The following TERB1 variants were observed in gnomAD, a reference collection of about 807,000 sequenced individuals.
TERB1 encodes the protein telomere repeats-binding bouquet formation protein 1.
In TERB1, 63 loss-of-function variants were observed where a neutral mutation model predicts 92.3. That is an observed-to-expected ratio of 0.68 (90% confidence interval 0.56 to 0.84). The LOEUF (loss-of-function observed/expected upper bound fraction) is 0.84. Among genes scored for constraint, TERB1 ranks in the 40% least tolerant of loss-of-function variants. The pLI is 0.00. For missense variants in TERB1, 709 were observed against 843.7 expected (o/e 0.84, Z 1.98); for synonymous variants, 252 against 283.9 (o/e 0.89, Z 1.13).
chr16:66,769,805 C>T, intron 14 of TERB1, 158 bp downstream of exon 14: 1 of 639,966 alleles, frequency 1.6e-6, no homozygotes, highest in Admixed American at 3.0e-5. Context: ...CCTCCCTGTC[C>T]AAACTCCTTT....
In TERB1 at chr16:66,754,677, C is replaced by A; in HGVS notation, c.*299G>T. 1 of 306,498 alleles carries A rather than the reference C, an allele frequency of 3.3e-6. No individual in the cohort carries two copies. The highest frequency in any genetic ancestry group is 6.0e-6 in the Non-Finnish European group (1 of 167,896). 19.0% of individuals were successfully genotyped at this position (306,498 alleles called of 1,614,324 possible). A position where few individuals can be genotyped will look rare whatever the true frequency, so the allele number is the denominator to read the frequency against. On this transcript the variant is annotated 3_prime_UTR_variant, in exon 19 of 19. Transcript: ENST00000433154. ...TTTATTGCAATATAATGTCAAATAA[C>A]ATTTAAAGGCTAATTCTTTTCTCTG...
In TERB1 at chr16:66,762,294, C is replaced by T. The variant is rs947026132; in HGVS notation, c.1781-3004G>A. ...ACTCAGCTCTGTCCCCACGTATGCA[C>T]TGGATTATGACACCTGGAATTTACA... On this transcript the variant is annotated intron_variant, in intron 16 of 18. Transcript: ENST00000433154. Among the ~76,000 whole-genome samples, 8 of 152,194 alleles carry T rather than the reference C, an allele frequency of 5.3e-5. No individual in the cohort carries two copies. In the East Asian group the frequency reaches 1.5e-3, roughly 29 times the overall value.
intron 16 of TERB1, among the ~76,000 whole-genome samples, chr16:66,764,038 G>A (rs534755714): frequency 6.6e-6 from 1 of 152,146 alleles, no homozygotes; most frequent in Admixed American, 6.6e-5. Flanking sequence ...GGGTTGCAGG[G>A]AACGAGACCA....
chr16:66,798,049 T>C (rs1959207765), intron 2 of TERB1, among the ~76,000 whole-genome samples: 2 of 148,356 alleles, frequency 1.3e-5, no homozygotes, highest in South Asian at 2.1e-4. Flanking sequence ...TATCCATTTA[T>C]AGAGCAAGGC....
rs529185469 is a variant in TERB1 at position 66,795,791 on chromosome 16, G to A, written c.31+977C>T. 2.8e-4 allele frequency among the ~76,000 whole-genome samples: 43 copies of A among 152,230 alleles called. No individual in the cohort carries two copies. The East Asian group carries it at 6.4e-3, about 23-fold the overall frequency. ...ATTTATGAATGAATGACAGGGTCTC[G>A]CTCTGTCATCAACGCTTAAGTGCAG... On this transcript the variant is annotated intron_variant, in intron 3 of 18. Transcript: ENST00000433154.
intron 11 of TERB1, 21 bp downstream of exon 11, chr16:66,777,182 C>A: frequency 6.6e-7 from 1 of 1,506,298 alleles, no homozygotes. Flanking sequence ...AATAACCACA[C>A]TCAATAAATC....
chr16:66,775,153 G>A lies in TERB1; in HGVS notation c.1076C>T (p.Ala359Val). Residue 359 changes from alanine (A) to valine (V), a missense_variant, in exon 12 of 19, where the codon GCT becomes GTT. Coordinates refer to ENST00000433154, the MANE Select transcript of TERB1 (RefSeq NM_001136505.2). ...GCAGTTGTGAAGCACAAATGTGGCA[G>A]CTTTGTTCAGTTCCTCATTCTGCGA... ...TESQNEELNK[A>V]ATFVLHNCKK... is the part of the protein sequence containing the mutation. 1.9e-6 allele frequency: 3 copies of A among 1,551,632 alleles called. No homozygotes were observed. Among genetic ancestry groups the A allele is most frequent in the Non-Finnish European group, 2.6e-6 (3 of 1,146,954 alleles).
intron 18 of TERB1, among the ~76,000 whole-genome samples, chr16:66,757,090 T>C (rs1401412321): frequency 1.3e-5 from 2 of 152,082 alleles, no homozygotes; most frequent in African/African-American, 4.8e-5. Flanking sequence ...GTTAAGTTTA[T>C]CAAGGGGGAA....
At chr16:66,761,491 G>C (rs1480726930) in intron 16 of TERB1, among the ~76,000 whole-genome samples, 1 of 143,564 alleles carries the variant, frequency 7.0e-6, no homozygotes, top group Admixed American at 7.0e-5. Context: ...GAAAAGAAAA[G>C]AGCATCTAGG....
chr16:66,768,251 A>G, intron 14 of TERB1, 83 bp from the exon 15 acceptor site: 2 of 1,167,506 alleles, frequency 1.7e-6, no homozygotes. Context: ...CAGTGTTGTG[A>G]TTTTCGGTGT....
chr16:66,793,109 T>C (rs1312046492), intron 3 of TERB1, among the ~76,000 whole-genome samples: 3 of 150,678 alleles, frequency 2.0e-5, no homozygotes, highest in African/African-American at 2.4e-5. Context: ...CTGAAAGATA[T>C]AGGATGAAGG....
chr16:66,784,236 G>A (rs1174162835), intron 9 of TERB1, among the ~76,000 whole-genome samples: 5 of 111,992 alleles, frequency 4.5e-5, no homozygotes, highest in African/African-American at 2.0e-4. Flanking sequence ...TCTATTTCAC[G>A]ATTTCTAATC....
chr16:66,787,185 A>G (rs993168207), intron 6 of TERB1, among the ~76,000 whole-genome samples: 1 of 151,770 alleles, frequency 6.6e-6, no homozygotes, highest in African/African-American at 2.4e-5. Flanking sequence ...TGCAGCCTCA[A>G]CCTCCAGAGC....
chr16:66,789,753 C>G (rs56350441), intron 5 of TERB1, among the ~76,000 whole-genome samples: 1 of 147,964 alleles, frequency 6.8e-6, no homozygotes, highest in South Asian at 2.1e-4. Flanking sequence ...GTCTGTCACC[C>G]AGGTTAGAGT....
intron 16 of TERB1, among the ~76,000 whole-genome samples, chr16:66,764,831 G>T (rs1004550997): frequency 2.6e-5 from 4 of 152,164 alleles, no homozygotes; most frequent in African/African-American, 9.7e-5. Flanking sequence ...AGATGCTGTG[G>T]ATGTTGTGTT....
intron 13 of TERB1, among the ~76,000 whole-genome samples, chr16:66,771,673 ACACACACG>A (rs935969226): frequency 1.5e-5 from 2 of 132,562 alleles, no homozygotes; most frequent in African/African-American, 3.0e-5. Flanking sequence ...ACACACACAC[ACACACACG>A]GGTACATGTG....
chr16:66,782,684 T>C (rs1377817062), intron 9 of TERB1, among the ~76,000 whole-genome samples: 3 of 152,144 alleles, frequency 2.0e-5, no homozygotes, highest in Admixed American at 1.3e-4. Context: ...GTTTCAATTA[T>C]CCTAGCCCCT....
chr16:66,790,853 A>G, intron 4 of TERB1, 56 bp downstream of exon 4: 1 of 1,394,256 alleles, frequency 7.2e-7, no homozygotes, highest in Non-Finnish European at 9.9e-7. Context: ...CTTATTTGAT[A>G]TATCAGAGTA....
chr16:66,768,270 CAAAAGCA>C, intron 14 of TERB1, 102 bp from the exon 15 acceptor site: 1 of 844,166 alleles, frequency 1.2e-6, no homozygotes, highest in South Asian at 1.6e-5. Context: ...GTTTGGTGGG[CAAAAGCA>C]ACCTGGAATC....
Sources: gnomAD v4.1 joint callset for allele counts (sites outside exome capture counted in the v4.1 genomes callset) on GRCh38, gnomAD v4.1.1 for gene constraint, MANE v1.5 for transcripts, NCBI Gene and HGNC (gene_info 2026-07-23, HGNC 2026-07-21) for gene names.